Variants in NSFL1C observed in about 807,000 individuals in gnomAD.
NSFL1C encodes NSFL1 cofactor p47.
Under a neutral mutation model 43.1 loss-of-function variants are expected in NSFL1C, and 14 were observed. That is an observed-to-expected ratio of 0.32 (90% CI 0.21 to 0.51). The LOEUF (loss-of-function observed/expected upper bound fraction) is 0.51. NSFL1C is among the 20% of genes least tolerant of loss of function. The pLI is 0.98. For synonymous variants in NSFL1C, 171 were observed against 183.5 expected (o/e 0.93, Z 0.55); for missense variants, 406 against 472.5 (o/e 0.86, Z 1.30).
At chr20:1,444,874 T>C (rs1407412252) in intron 8 of NSFL1C, among the ~76,000 whole-genome samples, 2 of 152,186 alleles carry the variant, frequency 1.3e-5, no homozygotes, top group African/African-American at 4.8e-5. Flanking sequence ...GAGGTCTCAA[T>C]AGGCTCTAGA....
chr20:1,454,003 C>T (rs2090241242), intron 5 of NSFL1C, among the ~76,000 whole-genome samples: 1 of 152,188 alleles, frequency 6.6e-6, no homozygotes. Context: ...CCTTTCCCCA[C>T]CTGTTCTCAC....
At chr20:1,453,213 T>C (rs954106486) in intron 5 of NSFL1C, 73 bp from the exon 6 acceptor site, 2 of 835,090 alleles carry the variant, frequency 2.4e-6, no homozygotes, top group Non-Finnish European at 4.2e-6. Flanking sequence ...AATTAGCAGG[T>C]TTTTACTATT....
chr20:1,448,717 CCCCAG>C (rs2090123051), intron 7 of NSFL1C, among the ~76,000 whole-genome samples: 1 of 152,126 alleles, frequency 6.6e-6, no homozygotes, highest in African/African-American at 2.4e-5. Context: ...CAGGCTTAAC[CCCCAG>C]CCTATGAGGT....
chr20:1,454,129 T>G, intron 5 of NSFL1C, 84 bp downstream of exon 5: 1 of 1,063,176 alleles, frequency 9.4e-7, no homozygotes, highest in Non-Finnish European at 1.5e-6. Flanking sequence ...GGCTGCTGGT[T>G]AATGCACAAT....
chr20:1,455,159 G>A, intron 3 of NSFL1C, 27 bp from the exon 4 acceptor site: 1 of 1,613,704 alleles, frequency 6.2e-7, no homozygotes, highest in Non-Finnish European at 8.5e-7. Context: ...CCTCTAACAT[G>A]AAACACTCAT....
rs190602873 is a variant in NSFL1C at position 1,458,955 on chromosome 20, T to C, written c.204-681A>G. 1.1e-3 allele frequency among the ~76,000 whole-genome samples: 169 copies of C among 152,318 alleles called. 1 individual carries two copies. The highest frequency in any genetic ancestry group is 1.7e-3 in the Non-Finnish European group (118 of 68,016). Reference sequence around the variant, plus strand: ...CAGTGTTGTATGGGATGGGCACAACTAAAAATGAGCGTGAGAAGGGTTAAT... The same window carrying C: ...CAGTGTTGTATGGGATGGGCACAACCAAAAATGAGCGTGAGAAGGGTTAAT... On this transcript the variant is annotated intron_variant, in intron 2 of 8. Coordinates refer to ENST00000216879, the MANE Select transcript of NSFL1C (RefSeq NM_016143.5).
chr20:1,452,514 C>T lies in NSFL1C; in HGVS notation c.764G>A (p.Gly255Asp). 1.9e-6 allele frequency: 3 copies of T among 1,614,196 alleles called. No homozygotes were observed. Among genetic ancestry groups the T allele is most frequent in the Non-Finnish European group, 2.5e-6 (3 of 1,180,012 alleles). The part of the protein sequence containing the change: ...KPKGAFKAFT[G>D]EGQKLGSTAP... Reference sequence around the variant, plus strand: ...TTACCTGCCCAGTTTCTGACCCTCGCCAGTGAAGGCTTTGAAGGCTCCTTT... The same window carrying T: ...TTACCTGCCCAGTTTCTGACCCTCGTCAGTGAAGGCTTTGAAGGCTCCTTT... Residue 255 changes from glycine to aspartate, a missense_variant, in exon 7 of 9, where the codon GGC becomes GAC. Around this residue, in one of 3 missense-constraint regions of NSFL1C, gnomAD observed 196 missense variants for 228.0 expected, o/e 0.86. Coordinates refer to ENST00000216879, the MANE Select transcript of NSFL1C (RefSeq NM_016143.5).
chr20:1,455,445 AAACAGCTT>A (rs2090278032), intron 3 of NSFL1C, among the ~76,000 whole-genome samples: 1 of 152,210 alleles, frequency 6.6e-6, no homozygotes, highest in Middle Eastern at 3.2e-3. Context: ...CAAGCATGCA[AAACAGCTT>A]ATCAGTTCAG....
At position 1,443,619 on chromosome 20, in the gene NSFL1C, C is replaced by G; in HGVS notation, c.*130G>C. 5.9e-6 allele frequency: 5 copies of G among 847,812 alleles called. No homozygotes were observed. The highest frequency in any genetic ancestry group is 8.9e-6 in the Non-Finnish European group (5 of 560,532). The allele number at this position is 847,812 out of a possible 1,614,324, so 52.5% of individuals were successfully genotyped here. A position where few individuals can be genotyped will look rare whatever the true frequency, so the allele number is the denominator to read the frequency against. ...AAACGTCCAACCAAGATCTAAGAAC[C>G]CAGAGCTATGGAGGAGACGTTGCAC... On this transcript the variant is annotated 3_prime_UTR_variant, in exon 9 of 9. Transcript: ENST00000216879.
At chr20:1,449,434 G>C (rs1257494331) in intron 7 of NSFL1C, among the ~76,000 whole-genome samples, 1 of 152,180 alleles carries the variant, frequency 6.6e-6, no homozygotes, top group Non-Finnish European at 1.5e-5. Flanking sequence ...CAGGCCTCCT[G>C]ATTTTTCAAA....
rs115906937 is a variant in NSFL1C at position 1,442,599 on chromosome 20, T to G, written c.*1150A>C. On this transcript the variant is annotated 3_prime_UTR_variant, in exon 9 of 9. Coordinates refer to ENST00000216879, the MANE Select transcript of NSFL1C (RefSeq NM_016143.5). Reference sequence around the variant, plus strand: ...ATAGGCCTCCTCTCCCAAACCTGCATAGCAATCAAACTTATAGGGGTGGTG... The same window carrying G: ...ATAGGCCTCCTCTCCCAAACCTGCAGAGCAATCAAACTTATAGGGGTGGTG... 2.0e-5 allele frequency: 3 copies of G among 152,218 alleles called. No homozygotes were observed. Among genetic ancestry groups the G allele is most frequent in the Admixed American group, 2.0e-4 (3 of 15,290 alleles). 9.4% of individuals were successfully genotyped at this position (152,218 alleles called of 1,614,324 possible). A position where few individuals can be genotyped will look rare whatever the true frequency, so the allele number is the denominator to read the frequency against.
chr20:1,461,809 G>C (rs2090417580), intron 2 of NSFL1C, among the ~76,000 whole-genome samples: 1 of 152,074 alleles, frequency 6.6e-6, no homozygotes, highest in African/African-American at 2.4e-5. Flanking sequence ...AACCTCACAG[G>C]GTTGCTGTGA....
Position 1,452,501 on chromosome 20 carries a change from T to G in NSFL1C, c.777A>C (p.Lys259Asn). The G allele has an allele frequency of 6.2e-7, 1 of 1,614,140 alleles. No individual in the cohort carries two copies. The highest frequency in any genetic ancestry group is 8.5e-7 in the Non-Finnish European group (1 of 1,180,008). Residue 259 changes from lysine to asparagine, a missense_variant, in exon 7 of 9, where the codon AAA (lysine) becomes AAC (asparagine). Lys to Asn is a moderately conservative substitution (Grantham distance 94). This residue lies in a region of NSFL1C where 196 missense variants were observed against 228.0 expected (regional missense o/e 0.86). Coordinates refer to ENST00000216879, the MANE Select transcript of NSFL1C (RefSeq NM_016143.5). ...AFKAFTGEGQ[K>N]LGSTAPQVLS... ...CCTGTGCTGCCCCTTACCTGCCCAG[T>G]TTCTGACCCTCGCCAGTGAAGGCTT... is the stretch of plus-strand genomic sequence containing the variant.
intron 1 of NSFL1C, among the ~76,000 whole-genome samples, chr20:1,465,541 G>C (rs1490456347): frequency 6.6e-6 from 1 of 152,114 alleles, no homozygotes. Flanking sequence ...GTCTAGGTGT[G>C]ATCTAGGTGT....
At chr20:1,464,875 T>C (rs76721201) in intron 1 of NSFL1C, among the ~76,000 whole-genome samples, 9,349 of 152,264 alleles carry the variant, frequency 0.061, 310 homozygotes, top group African/African-American at 0.074. Context: ...TTTACACAAC[T>C]GGTAAAGAGA....
At chr20:1,466,052 T>G (rs2090503069) in intron 1 of NSFL1C, among the ~76,000 whole-genome samples, 1 of 152,180 alleles carries the variant, frequency 6.6e-6, no homozygotes, top group African/African-American at 2.4e-5. Flanking sequence ...TACCGAATGC[T>G]TATTATGTGC....
rs745591457 is a variant in NSFL1C at position 1,443,695 on chromosome 20, A to G, written c.*54T>C. Reference sequence around the variant, plus strand: ...GCAGGAGGGGCGATCCCCATGGGGCATGGCCACTGGCCATGGGAAACACAG... The same window carrying G: ...GCAGGAGGGGCGATCCCCATGGGGCGTGGCCACTGGCCATGGGAAACACAG... On this transcript the variant is annotated 3_prime_UTR_variant, in exon 9 of 9. Coordinates refer to ENST00000216879, the MANE Select transcript of NSFL1C (RefSeq NM_016143.5). The G allele has an allele frequency of 4.4e-6, 7 of 1,600,828 alleles. No homozygotes were observed. Among genetic ancestry groups the G allele is most frequent in the Non-Finnish European group, 6.0e-6 (7 of 1,169,318 alleles).
Position 1,443,774 on chromosome 20 carries a change from G to C in NSFL1C, c.1088C>G (p.Ala363Gly), listed in dbSNP as rs3210928. Residue 363 changes from alanine (A) to glycine (G), a missense_variant, in exon 9 of 9, where the codon GCT becomes GGT. This residue lies in a region of NSFL1C where 196 missense variants were observed against 228.0 expected (regional missense o/e 0.86). Coordinates refer to ENST00000216879, the MANE Select transcript of NSFL1C (RefSeq NM_016143.5). ...QTLKEANLLN[A>G]VIVQRLT ...TTATGTTAACCGCTGCACGATGACA[G>C]CATTGAGCAGGTTGGCTTCCTTCAG... 6.2e-7 allele frequency: 1 copy of C among 1,614,204 alleles called. No homozygotes were observed. The highest frequency in any genetic ancestry group is 8.5e-7 in the Non-Finnish European group (1 of 1,180,036).
chr20:1,460,170 G>C (rs2122937913), intron 2 of NSFL1C, among the ~76,000 whole-genome samples: 1 of 152,290 alleles, frequency 6.6e-6, no homozygotes, highest in East Asian at 1.9e-4. Context: ...TGGGCTTTCT[G>C]TGTGCAGGTG....
Sources: gnomAD v4.1 joint callset for allele counts (sites outside exome capture counted in the v4.1 genomes callset) on GRCh38, gnomAD v4.1.1 for gene constraint, gnomAD v4.1.1 regional missense constraint, MANE v1.5 for transcripts, NCBI Gene and HGNC (gene_info 2026-07-23, HGNC 2026-07-21) for gene names.